The following NFIB variants were observed in gnomAD, a reference collection of about 807,000 sequenced individuals.
NFIB encodes nuclear factor I B, also known as nuclear factor 1 B-type.
Under a neutral mutation model 61.5 loss-of-function variants are expected in NFIB, and 11 were observed. That is an observed-to-expected ratio of 0.18 (90% confidence interval 0.11 to 0.30). The LOEUF is 0.30. Among genes scored for constraint, NFIB ranks in the 10% least tolerant of loss-of-function variants. The pLI is 1.00. For missense variants in NFIB, 471 were observed against 608.9 expected, an observed-to-expected ratio of 0.77 and a Z score of 2.38; for synonymous variants, 260 against 216.5, an observed-to-expected ratio of 1.20 and a Z score of -1.76.
At chr9:14,095,908 T>C (rs1206516810) in intron 10 of NFIB, among the ~76,000 whole-genome samples, 2 of 152,196 alleles carry the variant, frequency 1.3e-5, no homozygotes. Flanking sequence ...GAGAGAATAA[T>C]TGTAACTTTC....
At chr9:14,412,984 C>T in the NFIB span, among the ~76,000 whole-genome samples, 1 of 152,118 alleles carries the variant, frequency 6.6e-6, no homozygotes, top group Non-Finnish European at 1.5e-5. Context: ...GTACAAACCA[C>T]CCCTCCTCCT....
At chr9:14,410,542 T>C in the NFIB span, among the ~76,000 whole-genome samples, 1 of 152,088 alleles carries the variant, frequency 6.6e-6, no homozygotes, top group African/African-American at 2.4e-5. Context: ...CTCCTAAAAA[T>C]AAAAGGGAAA....
chr9:14,319,912 CACAA>C (rs1300825602), intron 1 of NFIB, among the ~76,000 whole-genome samples: 5 of 152,024 alleles, frequency 3.3e-5, no homozygotes, highest in African/African-American at 4.8e-5. Context: ...AAAGAAAAAA[CACAA>C]ACAATTGGGC....
chr9:14,425,607 ATTTTTTT>A, the NFIB span, among the ~76,000 whole-genome samples: 73 of 99,042 alleles, frequency 7.4e-4, no homozygotes, highest in African/African-American at 1.7e-3. Context: ...TTGCTACATA[ATTTTTTT>A]TTTTTTTTTT....
At chr9:14,472,196 T>A in the NFIB span, among the ~76,000 whole-genome samples, 1 of 152,232 alleles carries the variant, frequency 6.6e-6, no homozygotes, top group Non-Finnish European at 1.5e-5. Flanking sequence ...ATCTTTCTGA[T>A]GATATGGTCA....
chr9:14,177,161 G>A (rs538246765), intron 3 of NFIB, among the ~76,000 whole-genome samples: 56 of 152,230 alleles, frequency 3.7e-4, no homozygotes, highest in African/African-American at 1.2e-3. Flanking sequence ...TACATGGATC[G>A]TGCCTTCTCA....
At chr9:14,472,066 G>A in the NFIB span, among the ~76,000 whole-genome samples, 1 of 152,182 alleles carries the variant, frequency 6.6e-6, no homozygotes, top group Admixed American at 6.5e-5. Flanking sequence ...TGTAGAAATA[G>A]GAAAGATGAG....
chr9:14,311,235 T>C lies in NFIB; in HGVS notation c.30+2247A>G, dbSNP rs76225362. 2.7e-3 allele frequency among the ~76,000 whole-genome samples: 418 copies of C among 152,236 alleles called. 6 individuals are homozygous for C. Among genetic ancestry groups the C allele is most frequent in the Admixed American group, 0.016 (246 of 15,288 alleles). On this transcript the variant is annotated intron_variant, in intron 1 of 10. Coordinates refer to ENST00000380953, the MANE Select transcript of NFIB (RefSeq NM_001190737.2). ...TTTTTCTAAAACCTAGATACCTTAT[T>C]GCAACAATTGAGATACTTTTAAAAG... is the stretch of plus-strand genomic sequence containing the variant.
rs753271631 is a variant in NFIB at position 14,386,458 on chromosome 9, C to A, written c.108+12066G>T. Among the ~76,000 whole-genome samples, 90 of 152,216 alleles carry A rather than the reference C, an allele frequency of 5.9e-4. 1 individual carries two copies. Among genetic ancestry groups the A allele is most frequent in the Non-Finnish European group, 2.4e-4 (16 of 68,044 alleles). Reference sequence around the variant, plus strand: ...GTCCTCAGGTGAGTGACACACCCTTCTGAAGAGCACTATCTTACGCTACAG... The same window carrying A: ...GTCCTCAGGTGAGTGACACACCCTTATGAAGAGCACTATCTTACGCTACAG... On this transcript the variant is annotated intron_variant, in intron 1 of 8. Transcript: ENST00000380934.
intron 2 of NFIB, among the ~76,000 whole-genome samples, chr9:14,280,833 G>A (rs898799182): frequency 5.3e-5 from 8 of 152,144 alleles, no homozygotes; most frequent in Non-Finnish European, 8.8e-5. Flanking sequence ...ACTACAGACC[G>A]AACTGATAAC....
At chr9:14,500,143 T>C in the NFIB span, among the ~76,000 whole-genome samples, 1 of 152,186 alleles carries the variant, frequency 6.6e-6, no homozygotes, top group Admixed American at 6.5e-5. Context: ...GGTACTGTCA[T>C]GGTCCTGTTA....
At chr9:14,184,999 T>G (rs2054255869) in intron 2 of NFIB, among the ~76,000 whole-genome samples, 1 of 152,140 alleles carries the variant, frequency 6.6e-6, no homozygotes, top group African/African-American at 2.4e-5. Context: ...TCCAAACACC[T>G]GGTAATGTTT....
rs373788717 is a variant in NFIB, at chr9:14,232,316, G to A, written c.563-52536C>T. Among the ~76,000 whole-genome samples, 7 of 152,242 alleles carry A rather than the reference G, an allele frequency of 4.6e-5. No individual in the cohort carries two copies. In the East Asian group the frequency reaches 1.2e-3, roughly 25 times the overall value. On this transcript the variant is annotated intron_variant, in intron 2 of 10. Transcript: ENST00000380953. ...CGTAAAGCATCTGCTTAGGGATTACGACCCCGTCACACTGGGAATGTTCAG... is the reference window on the plus strand; with the variant it reads ...CGTAAAGCATCTGCTTAGGGATTACAACCCCGTCACACTGGGAATGTTCAG...
At chr9:14,450,388 C>A in the NFIB span, among the ~76,000 whole-genome samples, 2 of 152,322 alleles carry the variant, frequency 1.3e-5, no homozygotes, top group African/African-American at 2.4e-5. Flanking sequence ...TTTCCATGAA[C>A]CTCTTGCCCA....
At chr9:14,102,397 G>C in intron 10 of NFIB, 1 of 1,527,476 alleles carries the variant, frequency 6.5e-7, no homozygotes, top group East Asian at 2.5e-5. Context: ...TGTAAGTGTA[G>C]GGTTGGAAAT....
intron 2 of NFIB, among the ~76,000 whole-genome samples, chr9:14,225,406 G>T (rs35372188): frequency 7.5e-6 from 1 of 134,196 alleles, no homozygotes; most frequent in African/African-American, 2.8e-5. Flanking sequence ...GCAGTGAGCC[G>T]AGATCCCGCC....
intron 2 of NFIB, among the ~76,000 whole-genome samples, chr9:14,238,990 T>C (rs1157887673): frequency 5.3e-5 from 8 of 152,298 alleles, no homozygotes. Context: ...TGAAAGTACA[T>C]CACATGATAA....
intron 2 of NFIB, among the ~76,000 whole-genome samples, chr9:14,189,034 A>G (rs546228985): frequency 1.3e-5 from 2 of 152,346 alleles, no homozygotes; most frequent in Admixed American, 6.5e-5. Flanking sequence ...AGGAAAGCAT[A>G]GAAAAATAAG....
At chr9:14,124,573 A>ATGAGGAAGTGCCTTTC (rs548239558) in intron 7 of NFIB, among the ~76,000 whole-genome samples, 2 of 152,330 alleles carry the variant, frequency 1.3e-5, no homozygotes, top group East Asian at 3.9e-4. Context: ...AGTCAGAAGG[A>ATGAGGAAGTGCCTTTC]TGAGGAAGTG....
Sources: gnomAD v4.1 joint callset for allele counts (sites outside exome capture counted in the v4.1 genomes callset) on GRCh38, gnomAD v4.1.1 for gene constraint, MANE v1.5 for transcripts, NCBI Gene and HGNC (gene_info 2026-07-23, HGNC 2026-07-21) for gene names.